Variants in PDCD1LG2 observed in about 807,000 individuals in gnomAD.
PDCD1LG2 encodes B7 dendritic cell molecule.
PDCD1LG2 carries 32 observed loss-of-function variants against 28.2 expected under a neutral mutation model. The ratio of observed to expected loss-of-function variants is 1.13; its 90% CI spans 0.86 to 1.52. PDCD1LG2 has a LOEUF of 1.52. Ranked by LOEUF, PDCD1LG2 falls within the 40% of genes most tolerant of loss-of-function variation. The pLI is 0.00. For missense variants in PDCD1LG2, 385 were observed against 323.8 expected (o/e 1.19, Z -1.45); for synonymous variants, 116 against 120.2 (o/e 0.97, Z 0.23).
At chr9:5,559,218 G>C (rs943330862) in intron 5 of PDCD1LG2, among the ~76,000 whole-genome samples, 11 of 152,232 alleles carry the variant, frequency 7.2e-5, no homozygotes, top group Non-Finnish European at 1.0e-4. Context: ...TCCGAGCTGG[G>C]AGGTAAAGCT....
intron 4 of PDCD1LG2, among the ~76,000 whole-genome samples, chr9:5,551,922 C>A (rs1388628439): frequency 6.6e-6 from 1 of 152,194 alleles, no homozygotes; most frequent in Non-Finnish European, 1.5e-5. Flanking sequence ...GTGGAACAAG[C>A]TGTAGTTCCT....
intron 3 of PDCD1LG2, among the ~76,000 whole-genome samples, chr9:5,545,312 T>G (rs1316093176): frequency 6.6e-6 from 1 of 152,256 alleles, no homozygotes; most frequent in African/African-American, 2.4e-5. Flanking sequence ...GCTTACCATA[T>G]GTTGTGTTAC....
intron 2 of PDCD1LG2, among the ~76,000 whole-genome samples, chr9:5,525,919 A>T (rs939794873): frequency 6.6e-6 from 1 of 151,886 alleles, no homozygotes; most frequent in African/African-American, 2.4e-5. Context: ...TGGTGGCACA[A>T]GCCTGTAATC....
intron 6 of PDCD1LG2, among the ~76,000 whole-genome samples, chr9:5,567,181 C>A (rs142811085): frequency 6.6e-6 from 1 of 152,152 alleles, no homozygotes; most frequent in East Asian, 1.9e-4. Flanking sequence ...TTAGGAAGGG[C>A]GATGCTATAC....
chr9:5,519,765 C>T (rs1369252670), intron 1 of PDCD1LG2, among the ~76,000 whole-genome samples: 1 of 152,156 alleles, frequency 6.6e-6, no homozygotes, highest in African/African-American at 2.4e-5. Flanking sequence ...TCTTTTTCCC[C>T]TTCCTTAATT....
intron 4 of PDCD1LG2, among the ~76,000 whole-genome samples, chr9:5,555,589 G>A (rs1419605158): frequency 6.6e-6 from 1 of 152,210 alleles, no homozygotes; most frequent in African/African-American, 2.4e-5. Flanking sequence ...GTAACACTCA[G>A]GTGGTTCAGA....
chr9:5,541,547 G>T (rs1820685909), intron 3 of PDCD1LG2, among the ~76,000 whole-genome samples: 1 of 151,806 alleles, frequency 6.6e-6, no homozygotes, highest in African/African-American at 2.4e-5. Flanking sequence ...CAGTAGCTCT[G>T]CTATACACCA....
intron 1 of PDCD1LG2, among the ~76,000 whole-genome samples, chr9:5,514,987 G>A (rs1417704068): frequency 6.6e-6 from 1 of 151,984 alleles, no homozygotes; most frequent in African/African-American, 2.4e-5. Flanking sequence ...GTTAGTGAGA[G>A]GAGTGGTCAT....
chr9:5,528,681 C>G (rs1820425674), intron 2 of PDCD1LG2, among the ~76,000 whole-genome samples: 2 of 152,052 alleles, frequency 1.3e-5, no homozygotes, highest in South Asian at 4.1e-4. Flanking sequence ...TAATTGTATA[C>G]TAAGGAATTA....
intron 2 of PDCD1LG2, among the ~76,000 whole-genome samples, chr9:5,534,373 CT>C: frequency 6.6e-6 from 1 of 152,252 alleles, no homozygotes; most frequent in East Asian, 1.9e-4. Context: ...GCATTTTGTT[CT>C]TATATGACAG....
At chr9:5,531,027 T>C (rs1820473794) in intron 2 of PDCD1LG2, among the ~76,000 whole-genome samples, 1 of 152,230 alleles carries the variant, frequency 6.6e-6, no homozygotes, top group Non-Finnish European at 1.5e-5. Flanking sequence ...TGGTTCGCAA[T>C]ACTGTCTGCA....
intron 2 of PDCD1LG2, among the ~76,000 whole-genome samples, chr9:5,524,330 G>A (rs1820330611): frequency 6.6e-6 from 1 of 152,178 alleles, no homozygotes; most frequent in Non-Finnish European, 1.5e-5. Context: ...ATAGGTTTTT[G>A]CACTGAAGTC....
chr9:5,542,987 C>CAT (rs201098354), intron 3 of PDCD1LG2, among the ~76,000 whole-genome samples: 6 of 151,830 alleles, frequency 4.0e-5, no homozygotes, highest in South Asian at 2.1e-4. Flanking sequence ...ATTATACATA[C>CAT]ATATATATAT....
intron 1 of PDCD1LG2, among the ~76,000 whole-genome samples, chr9:5,512,443 G>A (rs897995206): frequency 2.0e-5 from 3 of 152,114 alleles, no homozygotes; most frequent in African/African-American, 7.2e-5. Context: ...CCCCTGCTTT[G>A]AGGGATTTTC....
intron 3 of PDCD1LG2, among the ~76,000 whole-genome samples, chr9:5,546,715 A>G (rs1054328967): frequency 6.6e-6 from 1 of 152,268 alleles, no homozygotes; most frequent in African/African-American, 2.4e-5. Context: ...TTAAGAATGC[A>G]TTACAAAATA....
chr9:5,534,617 C>T (rs866297423), intron 2 of PDCD1LG2, 128 bp from the exon 3 acceptor site: 35 of 771,640 alleles, frequency 4.5e-5, no homozygotes, highest in Middle Eastern at 3.7e-4. Context: ...GGATTCGCCA[C>T]GGGAATGTCC....
intron 1 of PDCD1LG2, among the ~76,000 whole-genome samples, chr9:5,518,031 A>T (rs915585713): frequency 1.3e-5 from 2 of 152,258 alleles, no homozygotes; most frequent in Non-Finnish European, 2.9e-5. Context: ...GGGAGAATTA[A>T]CAGGACTAGG....
intron 5 of PDCD1LG2, among the ~76,000 whole-genome samples, 200 bp from the exon 6 acceptor site, chr9:5,562,962 G>C (rs150609545): frequency 2.0e-5 from 3 of 152,328 alleles, no homozygotes; most frequent in African/African-American, 2.4e-5. Flanking sequence ...GAAAGTGTGA[G>C]ACTTCTTTGT....
intron 1 of PDCD1LG2, among the ~76,000 whole-genome samples, chr9:5,511,803 T>A (rs1820064172): frequency 6.6e-6 from 1 of 152,192 alleles, no homozygotes; most frequent in African/African-American, 2.4e-5. Flanking sequence ...GTCTGCTGCT[T>A]CAGGGTGTCT....
Sources: allele counts gnomAD v4.1 joint callset (sites outside exome capture counted in the v4.1 genomes callset), GRCh38; gene constraint gnomAD v4.1.1; transcripts MANE v1.5; gene names NCBI Gene and HGNC (gene_info 2026-07-23, HGNC 2026-07-21).